The following NRP2 variants were observed in gnomAD, a reference collection of about 807,000 sequenced individuals.
NRP2 encodes the protein neuropilin-2.
A neutral mutation model predicts 110.4 loss-of-function variants in NRP2; 52 were observed. The observed-to-expected ratio is 0.47, with a 90% CI of 0.38 to 0.59. The LOEUF (loss-of-function observed/expected upper bound fraction) is 0.59. Ranked by LOEUF, NRP2 falls within the 20% of genes least tolerant of loss-of-function variation. NRP2 has a pLI of 0.00. For missense variants in NRP2, 1,049 were observed against 1,203.0 expected, an observed-to-expected ratio of 0.87 and a Z score of 1.89; for synonymous variants, 508 against 468.9, an observed-to-expected ratio of 1.08 and a Z score of -1.08.
Position 205,743,556 on chromosome 2 carries a change from G to A in NRP2, c.1641+4G>A. On this transcript the variant is annotated splice_donor_region_variant and intron_variant, in intron 9 of 16. Coordinates refer to ENST00000357785, the MANE Select transcript of NRP2 (RefSeq NM_003872.3). The stretch of plus-strand genomic sequence containing the variant: ...CCCCAGGACCCAGCAGCCAAAGGTA[G>A]GCTGTTCTTGGAGGCCTCTGTAACG... 2.5e-6 allele frequency: 4 copies of A among 1,614,044 alleles called. No individual in the cohort carries two copies. Among genetic ancestry groups the A allele is most frequent in the East Asian group, 2.2e-5 (1 of 44,886 alleles).
chr2:205,786,387 T>C (rs1002935269), intron 15 of NRP2, among the ~76,000 whole-genome samples: 2 of 152,178 alleles, frequency 1.3e-5, no homozygotes, highest in Non-Finnish European at 2.9e-5. Context: ...AACTGGCCCA[T>C]GGGGTTCAGA....
intron 12 of NRP2, among the ~76,000 whole-genome samples, chr2:205,758,642 T>C (rs1423801831): frequency 6.6e-6 from 1 of 152,180 alleles, no homozygotes; most frequent in African/African-American, 2.4e-5. Flanking sequence ...AACAGATGTT[T>C]TGGGTCAAGG....
intron 15 of NRP2, chr2:205,776,691 GGGTTCATTTT>G: frequency 4.6e-6 from 7 of 1,512,416 alleles, no homozygotes; most frequent in Non-Finnish European, 6.2e-6. Context: ...CATCCTCCTT[GGGTTCATTTT>G]GGTTTCTGGT....
intron 15 of NRP2, among the ~76,000 whole-genome samples, chr2:205,784,003 C>CACACACACACACACACACACACACAA (rs2058207868): frequency 1.3e-5 from 2 of 151,476 alleles, no homozygotes; most frequent in South Asian, 4.2e-4. Context: ...CTCTCTCTGA[C>CACACACACACACACACACACACACAA]ACACACACAC....
intron 13 of NRP2, among the ~76,000 whole-genome samples, 200 bp from the exon 14 acceptor site, chr2:205,765,274 T>C (rs1001564454): frequency 5.3e-5 from 8 of 152,194 alleles, no homozygotes; most frequent in Admixed American, 1.3e-4. Context: ...ATGCGTTTGA[T>C]TTGAACAAAC....
intron 15 of NRP2, among the ~76,000 whole-genome samples, chr2:205,781,521 C>T (rs1158358910): frequency 6.6e-6 from 1 of 152,218 alleles, no homozygotes; most frequent in South Asian, 2.1e-4. Context: ...CCCCTCTTCA[C>T]GGCCTCTGCA....
chr2:205,702,097 T>C (rs1041239522), intron 2 of NRP2, among the ~76,000 whole-genome samples: 25 of 152,250 alleles, frequency 1.6e-4, no homozygotes, highest in Non-Finnish European at 2.9e-4. Context: ...TTTATGTAGA[T>C]GCCCAATAAG....
chr2:205,689,640 TTCTTA>T (rs2056261447), intron 1 of NRP2, among the ~76,000 whole-genome samples: 3 of 152,162 alleles, frequency 2.0e-5, no homozygotes, highest in East Asian at 1.9e-4. Context: ...CTCTGCTGAG[TTCTTA>T]TCTTAGATTT....
intron 3 of NRP2, among the ~76,000 whole-genome samples, chr2:205,716,804 C>G (rs1464617157): frequency 2.6e-5 from 4 of 152,092 alleles, no homozygotes; most frequent in Non-Finnish European, 5.9e-5. Context: ...TTTGGAGTCT[C>G]TAAAGATCTT....
At chr2:205,710,749 T>A (rs184320440) in intron 2 of NRP2, among the ~76,000 whole-genome samples, 1 of 152,312 alleles carries the variant, frequency 6.6e-6, no homozygotes, top group Admixed American at 6.5e-5. Context: ...TTTTTCCTCC[T>A]AATTTCCTCA....
rs570870871 is a variant in NRP2 at position 205,725,746 on chromosome 2, G to C, written c.821-167G>C. ...CTCTCAGACCCAGAGGGGTTGTCAAGCTCCATGACTTGATGTAGTTGTTTT... is the reference window on the plus strand; with the variant it reads ...CTCTCAGACCCAGAGGGGTTGTCAACCTCCATGACTTGATGTAGTTGTTTT... On this transcript the variant is annotated intron_variant, in intron 5 of 16. Transcript: ENST00000357785. This position sits in a 1 kb window ranked among gnomAD's most constrained non-coding sequence, Gnocchi z 4.1. 6.6e-6 allele frequency among the ~76,000 whole-genome samples: 1 copy of C among 152,210 alleles called. No homozygotes were observed. Among genetic ancestry groups the C allele is most frequent in the Non-Finnish European group, 1.5e-5 (1 of 68,036 alleles).
intron 15 of NRP2, among the ~76,000 whole-genome samples, chr2:205,782,972 T>A (rs1216332544): frequency 6.6e-6 from 1 of 152,186 alleles, no homozygotes; most frequent in Non-Finnish European, 1.5e-5. Context: ...CCTGTTTTCA[T>A]TTTAGTAGGT....
At chr2:205,730,612 G>T (rs569778170) in intron 7 of NRP2, among the ~76,000 whole-genome samples, 1 of 152,086 alleles carries the variant, frequency 6.6e-6, no homozygotes, top group African/African-American at 2.4e-5. Context: ...ATGCCTTCCC[G>T]GTGTGCAGGG....
Position 205,740,600 on chromosome 2 carries a change from C to G in NRP2, c.1228C>G (p.Arg410Gly), listed in dbSNP as rs1216220931. 3 of 1,614,192 alleles carry G rather than the reference C, an allele frequency of 1.9e-6. No individual in the cohort carries two copies. The highest frequency in any genetic ancestry group is 2.5e-6 in the Non-Finnish European group (3 of 1,180,050). ...APLLTRFVRI[R>G]PQTWHSGIAL... is the part of the protein sequence containing the mutation. ...ACTGCTGACAAGGTTTGTTAGAATC[C>G]GCCCTCAGACCTGGCACTCAGGTAT... is the stretch of plus-strand genomic sequence containing the variant. Residue 410 changes from arginine to glycine, a missense_variant, in exon 8 of 17, where the codon CGC becomes GGC. By Grantham distance (125) the Arg-to-Gly change is moderately radical. Coordinates refer to ENST00000357785, the MANE Select transcript of NRP2 (RefSeq NM_003872.3).
intron 15 of NRP2, chr2:205,776,078 C>T (rs1399502218): frequency 6.4e-6 from 5 of 780,374 alleles, no homozygotes; most frequent in South Asian, 2.7e-5. Flanking sequence ...ATAATGCAAT[C>T]GTTGAGAAGT....
intron 12 of NRP2, chr2:205,762,571 T>C (rs2057841710): frequency 1.3e-5 from 2 of 152,182 alleles, no homozygotes; most frequent in South Asian, 4.1e-4. Flanking sequence ...ACTAACATGA[T>C]CCTAAGGCAT....
intron 11 of NRP2, among the ~76,000 whole-genome samples, chr2:205,751,720 C>T (rs1244947832): frequency 6.6e-6 from 1 of 152,160 alleles, no homozygotes; most frequent in Non-Finnish European, 1.5e-5. Flanking sequence ...TTGTTTCTAC[C>T]AGTCCGTGGC....
In NRP2 at chr2:205,725,270, G is replaced by A. The variant is rs539860123; in HGVS notation, c.821-643G>A. The stretch of plus-strand genomic sequence containing the variant: ...TTAGACACATGCACACACACATATC[G>A]ATCAGTGTTGATGGCATTCATAGAA... On this transcript the variant is annotated intron_variant, in intron 5 of 16. Transcript: ENST00000357785. This position sits in a 1 kb window ranked among gnomAD's most constrained non-coding sequence, Gnocchi z 4.1. 4.8e-4 allele frequency among the ~76,000 whole-genome samples: 73 copies of A among 152,250 alleles called. No homozygotes were observed. Among genetic ancestry groups the A allele is most frequent in the African/African-American group, 1.7e-3 (70 of 41,524 alleles).
chr2:205,794,331 C>T (rs1176634020), intron 16 of NRP2, among the ~76,000 whole-genome samples: 3 of 152,058 alleles, frequency 2.0e-5, no homozygotes, highest in African/African-American at 4.8e-5. Flanking sequence ...AGGATGGTCT[C>T]GATCTCTTGA....
Sources: allele counts gnomAD v4.1 joint callset (sites outside exome capture counted in the v4.1 genomes callset), GRCh38; gene constraint gnomAD v4.1.1; non-coding constraint Gnocchi (gnomAD v3.1); transcripts MANE v1.5; gene names NCBI Gene and HGNC (gene_info 2026-07-23, HGNC 2026-07-21).